The following IP6K1 variants were observed in gnomAD, a reference collection of about 807,000 sequenced individuals.
IP6K1 encodes the protein inositol hexakisphosphate kinase 1.
In IP6K1, 13 loss-of-function variants were observed where a neutral mutation model predicts 38.3. The observed-to-expected ratio is 0.34, with a 90% CI of 0.22 to 0.54. The LOEUF (loss-of-function observed/expected upper bound fraction) is 0.54. Among genes scored for constraint, IP6K1 ranks in the 20% least tolerant of loss-of-function variants. The pLI is 0.92. For missense variants in IP6K1, 397 were observed against 599.8 expected (o/e 0.66, Z 3.53); for synonymous variants, 212 against 229.9 (o/e 0.92, Z 0.70).
At chr3:49,785,869 C>CT (rs751097792) in intron 1 of IP6K1, 14 of 152,260 alleles carry the variant, frequency 9.2e-5, no homozygotes, top group Admixed American at 6.5e-4. Flanking sequence ...GAGGGTCCCC[C>CT]TTGCCATAAT....
chr3:49,751,619 T>C (rs2080778316), intron 1 of IP6K1, among the ~76,000 whole-genome samples: 1 of 152,212 alleles, frequency 6.6e-6, no homozygotes, highest in African/African-American at 2.4e-5. Context: ...GCCCCAATCT[T>C]ATTCAGGTAG....
intron 1 of IP6K1, among the ~76,000 whole-genome samples, chr3:49,751,851 T>C (rs1172058030): frequency 6.6e-6 from 1 of 152,204 alleles, no homozygotes; most frequent in African/African-American, 2.4e-5. Flanking sequence ...TTGCAACAAA[T>C]GGAAAGAAAT....
At chr3:49,768,239 C>T (rs1225721297) in intron 1 of IP6K1, among the ~76,000 whole-genome samples, 4 of 152,166 alleles carry the variant, frequency 2.6e-5, no homozygotes, top group Non-Finnish European at 4.4e-5. Flanking sequence ...GATATTTATA[C>T]ACCAATGTTC....
At chr3:49,756,700 C>T (rs557462238) in intron 1 of IP6K1, among the ~76,000 whole-genome samples, 51 of 151,560 alleles carry the variant, frequency 3.4e-4, no homozygotes, top group African/African-American at 5.6e-4. Flanking sequence ...CCTATAATCC[C>T]GCTACTTGGG....
chr3:49,769,341 T>C (rs1482307214), intron 1 of IP6K1, among the ~76,000 whole-genome samples: 1 of 152,194 alleles, frequency 6.6e-6, no homozygotes, highest in Admixed American at 6.6e-5. Context: ...AGTTGGGTTA[T>C]TTACACTGCC....
chr3:49,761,708 T>C (rs1480180482), intron 1 of IP6K1, among the ~76,000 whole-genome samples: 4 of 151,504 alleles, frequency 2.6e-5, no homozygotes, highest in Non-Finnish European at 4.4e-5. Flanking sequence ...AAACCCAACA[T>C]TTCAGGAGAC....
At chr3:49,782,274 G>C (rs1575332396) in intron 1 of IP6K1, among the ~76,000 whole-genome samples, 1 of 151,644 alleles carries the variant, frequency 6.6e-6, no homozygotes, top group East Asian at 2.0e-4. Flanking sequence ...AGGTTCAAGT[G>C]ATTCTCCTGC....
At chr3:49,782,405 G>A (rs1316767823) in intron 1 of IP6K1, among the ~76,000 whole-genome samples, 4 of 151,912 alleles carry the variant, frequency 2.6e-5, no homozygotes, top group African/African-American at 9.7e-5. Context: ...TCCTGACCTC[G>A]TGACCCGCCC....
Position 49,754,305 on chromosome 3 carries a change from G to A in IP6K1, c.-128-6137C>T, listed in dbSNP as rs899307961. On this transcript the variant is annotated intron_variant, in intron 1 of 5. Coordinates refer to ENST00000321599, the MANE Select transcript of IP6K1 (RefSeq NM_153273.4). ...GTGGGAGGATGGCTTGAGCCCAGGAGGTGGAGGTTGCAATCAGCTGAAATC... is the reference window on the plus strand; with the variant it reads ...GTGGGAGGATGGCTTGAGCCCAGGAAGTGGAGGTTGCAATCAGCTGAAATC... Among the ~76,000 whole-genome samples the A allele has an allele frequency of 3.3e-5, 5 of 152,028 alleles. 1 individual carries two copies. The highest frequency in any genetic ancestry group is 7.4e-5 in the Non-Finnish European group (5 of 68,020).
Position 49,725,316 on chromosome 3 carries a change from C to T in IP6K1, c.*1806G>A, listed in dbSNP as rs979210216. 4 of 151,998 alleles carry T rather than the reference C, an allele frequency of 2.6e-5. No individual in the cohort carries two copies. The highest frequency in any genetic ancestry group is 4.4e-5 in the Non-Finnish European group (3 of 67,962). 9.4% of individuals were successfully genotyped at this position (151,998 alleles called of 1,614,324 possible). On this transcript the variant is annotated 3_prime_UTR_variant, in exon 6 of 6. Coordinates refer to ENST00000321599, the MANE Select transcript of IP6K1 (RefSeq NM_153273.4). ...TACCCTCCACCCTACCAGGGAATGACTATCTACACTAATGAAGGGCTACTG... is the reference window on the plus strand; with the variant it reads ...TACCCTCCACCCTACCAGGGAATGATTATCTACACTAATGAAGGGCTACTG...
chr3:49,758,286 C>T (rs1407608390), intron 1 of IP6K1, among the ~76,000 whole-genome samples: 1 of 141,170 alleles, frequency 7.1e-6, no homozygotes, highest in Non-Finnish European at 1.5e-5. Context: ...TACACTCCAG[C>T]CTGGGGTGAC....
In IP6K1 at chr3:49,748,188, A is replaced by C; in HGVS notation, c.-128-20T>G. 1.2e-6 allele frequency: 1 copy of C among 805,204 alleles called. No individual in the cohort carries two copies. The highest frequency in any genetic ancestry group is 2.0e-6 in the Non-Finnish European group (1 of 508,200). The allele number at this position is 805,204 out of a possible 1,614,324, so 49.9% of individuals were successfully genotyped here. ...TCTGTCCTACAGAAAAGAAGAGAGG[A>C]AGAAGGAATCAAAACACTGGGTGAG... On this transcript the variant is annotated intron_variant, in intron 1 of 5. Coordinates refer to ENST00000321599, the MANE Select transcript of IP6K1 (RefSeq NM_153273.4).
At position 49,731,760 on chromosome 3, in the gene IP6K1, C is replaced by T. The variant is rs545238879; in HGVS notation, c.616+1031G>A. ...ATTCTAGGCTGGGCGTGGTGGCGCA[C>T]GCCTGTAATCCCAGCTACTGGGGTG... On this transcript the variant is annotated intron_variant, in intron 4 of 5. Transcript: ENST00000321599. Among the ~76,000 whole-genome samples the T allele has an allele frequency of 7.9e-5, 12 of 151,976 alleles. No homozygotes were observed. In the South Asian group the frequency reaches 1.2e-3, roughly 16 times the overall value.
intron 1 of IP6K1, among the ~76,000 whole-genome samples, chr3:49,783,535 AC>A (rs1447691899): frequency 6.6e-6 from 1 of 151,616 alleles, no homozygotes; most frequent in African/African-American, 2.4e-5. Context: ...ACACGGTGAA[AC>A]CCCGTCTCTC....
chr3:49,743,612 T>C (rs2080693106), intron 2 of IP6K1, among the ~76,000 whole-genome samples: 1 of 136,492 alleles, frequency 7.3e-6, no homozygotes, highest in South Asian at 2.4e-4. Context: ...CATAGTTTTT[T>C]TTTTTTGTTT....
At chr3:49,733,263 G>GA (rs2080579621) in intron 3 of IP6K1, among the ~76,000 whole-genome samples, 1 of 152,014 alleles carries the variant, frequency 6.6e-6, no homozygotes, top group South Asian at 2.1e-4. Flanking sequence ...AATCAAAGAA[G>GA]AAAGTGGAGC....
intron 2 of IP6K1, among the ~76,000 whole-genome samples, chr3:49,742,026 C>T (rs2080673074): frequency 6.6e-6 from 1 of 152,102 alleles, no homozygotes. Flanking sequence ...CTGCAGTGAG[C>T]CATGACTGTA....
intron 4 of IP6K1, among the ~76,000 whole-genome samples, chr3:49,730,679 TG>T: frequency 6.6e-6 from 1 of 152,044 alleles, no homozygotes; most frequent in Non-Finnish European, 1.5e-5. Context: ...CCCAAGTAGC[TG>T]GAACTATAGG....
At chr3:49,762,511 C>T (rs1027790882) in intron 1 of IP6K1, among the ~76,000 whole-genome samples, 1 of 152,100 alleles carries the variant, frequency 6.6e-6, no homozygotes, top group African/African-American at 2.4e-5. Context: ...GATCGTGCCA[C>T]TGCACTCAAA....
Sources: gnomAD v4.1 joint callset for allele counts (sites outside exome capture counted in the v4.1 genomes callset) on GRCh38, gnomAD v4.1.1 for gene constraint, MANE v1.5 for transcripts, NCBI Gene and HGNC (gene_info 2026-07-23, HGNC 2026-07-21) for gene names.